Variants in XIRP2 observed in about 807,000 individuals in gnomAD.
The protein encoded by XIRP2 is xin actin-binding repeat-containing protein 2.
A neutral mutation model predicts 277.0 loss-of-function variants in XIRP2; 236 were observed. The observed-to-expected ratio is 0.85, with a 90% CI of 0.77 to 0.95. XIRP2 has a LOEUF of 0.95. Ranked by LOEUF, XIRP2 falls within the 40% of genes least tolerant of loss-of-function variation. The pLI is 0.00. For synonymous variants in XIRP2, 1,490 were observed against 1,416.5 expected, an observed-to-expected ratio of 1.05 and a Z score of -1.17; for missense variants, 4,640 against 4,157.5, an observed-to-expected ratio of 1.12 and a Z score of -3.19.
intron 4 of XIRP2, among the ~76,000 whole-genome samples, chr2:167,214,226 G>GAGGA (rs1295438859): frequency 0.029 from 1,979 of 67,316 alleles, 127 homozygotes; most frequent in South Asian, 0.037. Flanking sequence ...GGGAGGGAGG[G>GAGGA]AGGAAGGAAG....
chr2:167,135,745 C>T (rs1452684521), intron 2 of XIRP2, among the ~76,000 whole-genome samples, 164 bp from the exon 3 acceptor site: 1 of 152,146 alleles, frequency 6.6e-6, no homozygotes, highest in African/African-American at 2.4e-5. Flanking sequence ...TATATGTTTG[C>T]AGTTCTTGGC....
chr2:167,027,450 A>T (rs529916084), intron 2 of XIRP2, among the ~76,000 whole-genome samples: 1 of 152,008 alleles, frequency 6.6e-6, no homozygotes, highest in South Asian at 2.1e-4. Flanking sequence ...CATTGGTTTG[A>T]ATTTCCTCCT....
chr2:167,134,231 G>A (rs1372891162), intron 2 of XIRP2, among the ~76,000 whole-genome samples: 1 of 150,222 alleles, frequency 6.7e-6, no homozygotes, highest in Admixed American at 6.6e-5. Flanking sequence ...ATGTGTATAT[G>A]TATATTATAT....
At position 167,250,960 on chromosome 2, in the gene XIRP2, G is replaced by A. The variant is rs765610945; in HGVS notation, c.9568G>A (p.Ala3190Thr). Reference protein sequence around the residue: ...EQLVRLKDTTAKLSKGAIPCP... With the variant: ...EQLVRLKDTTTKLSKGAIPCP... ...ACTTGTCAGACTCAAAGACACCACT[G>A]CAAAGTTATCCAAAGGGGCCATCCC... is the stretch of plus-strand genomic sequence containing the variant. The change falls in exon 9 of 11, where the codon GCA becomes ACA. Residue 3190 changes from alanine to threonine, a missense_variant. Ala to Thr is a moderately conservative substitution (Grantham distance 58, BLOSUM62 0). Transcript: ENST00000409195. 3.6e-5 allele frequency: 58 copies of A among 1,613,380 alleles called. No homozygotes were observed. Among genetic ancestry groups the A allele is most frequent in the African/African-American group, 8.0e-5 (6 of 74,788 alleles).
At chr2:167,026,824 T>G (rs1478992220) in intron 2 of XIRP2, among the ~76,000 whole-genome samples, 3 of 152,138 alleles carry the variant, frequency 2.0e-5, no homozygotes, top group Non-Finnish European at 2.9e-5. Context: ...TTTAAGAATG[T>G]TGAATGTTGG....
At position 167,218,261 on chromosome 2, in the gene XIRP2, T is replaced by C; in HGVS notation, c.819T>C (p.Phe273=). The C allele has an allele frequency of 6.2e-7, 1 of 1,605,444 alleles. No individual in the cohort carries two copies. The highest frequency in any genetic ancestry group is 8.5e-7 in the Non-Finnish European group (1 of 1,176,102). Residue 273 remains phenylalanine, a synonymous_variant, in exon 5 of 11, where the codon TTT becomes TTC. Coordinates refer to ENST00000409195, the MANE Select transcript of XIRP2 (RefSeq NM_152381.6). The stretch of plus-strand genomic sequence containing the variant: ...AAATTACTTCTTCCCGTAATACCTT[T>C]GCTCAATACCAATATCAACATCAGA... ...EDEITSSRNT[F]AQYQYQHQNR...
intron 1 of XIRP2, 23 bp downstream of exon 1, chr2:166,888,580 C>T (rs916732668): frequency 2.0e-5 from 3 of 152,104 alleles, no homozygotes; most frequent in East Asian, 1.9e-4. Flanking sequence ...TAAGAAAAAC[C>T]ACTTCTTTCA....
chr2:167,135,872 AG>A, intron 2 of XIRP2, 36 bp from the exon 3 acceptor site: 1 of 1,518,426 alleles, frequency 6.6e-7, no homozygotes, highest in Non-Finnish European at 8.8e-7. Flanking sequence ...TCCTACTGAT[AG>A]CTTTTAACAT....
At chr2:167,029,466 T>A (rs1049780456) in intron 2 of XIRP2, among the ~76,000 whole-genome samples, 1 of 152,114 alleles carries the variant, frequency 6.6e-6, no homozygotes, top group Non-Finnish European at 1.5e-5. Flanking sequence ...AGATAGAGCA[T>A]GTGGTTTTTG....
intron 2 of XIRP2, among the ~76,000 whole-genome samples, chr2:166,908,148 T>G (rs570678947): frequency 6.6e-6 from 1 of 152,150 alleles, no homozygotes; most frequent in African/African-American, 2.4e-5. Context: ...GATGGCTGGG[T>G]TAAATGGTAT....
chr2:167,004,606 A>T (rs1687458519), intron 2 of XIRP2, among the ~76,000 whole-genome samples: 1 of 151,868 alleles, frequency 6.6e-6, no homozygotes. Flanking sequence ...AATCAAGTAA[A>T]AAAAGGAGGA....
At chr2:167,175,629 A>G (rs1238897042) in intron 3 of XIRP2, among the ~76,000 whole-genome samples, 1 of 152,126 alleles carries the variant, frequency 6.6e-6, no homozygotes, top group Non-Finnish European at 1.5e-5. Flanking sequence ...GAACCACTTG[A>G]GGAGGCAGTC....
intron 2 of XIRP2, among the ~76,000 whole-genome samples, chr2:167,050,841 C>T (rs558594204): frequency 6.6e-6 from 1 of 151,452 alleles, no homozygotes; most frequent in South Asian, 2.1e-4. Context: ...GCCCTTGCTG[C>T]AATGGTGGGC....
chr2:167,091,152 T>C (rs888878099), intron 2 of XIRP2, among the ~76,000 whole-genome samples: 1 of 152,154 alleles, frequency 6.6e-6, no homozygotes, highest in African/African-American at 2.4e-5. Context: ...CATTGACTTT[T>C]AGTCATTTTT....
At chr2:167,041,838 C>T (rs904763818) in intron 2 of XIRP2, among the ~76,000 whole-genome samples, 12 of 151,930 alleles carry the variant, frequency 7.9e-5, no homozygotes, top group Non-Finnish European at 1.3e-4. Context: ...TCAGGAAATT[C>T]AAAGAAACAT....
chr2:167,127,673 G>A (rs115616584), intron 2 of XIRP2, among the ~76,000 whole-genome samples: 2,503 of 152,172 alleles, frequency 0.016, 78 homozygotes, highest in African/African-American at 0.057. Flanking sequence ...ATATCTCGCC[G>A]CCTGCTGGAC....
chr2:167,214,134 G>GC lies in XIRP2; in HGVS notation c.723+3239_723+3240insC, dbSNP rs1559023889. On this transcript the variant is annotated intron_variant, in intron 4 of 10. Coordinates refer to ENST00000409195, the MANE Select transcript of XIRP2 (RefSeq NM_152381.6). The stretch of plus-strand genomic sequence containing the variant: ...GGAAGGAAGGAAGGAAGGAAGGAAG[G>GC]AAGCAAAGAGAAAGAGAAAGAAGGA... Among the ~76,000 whole-genome samples, 154 of 112,170 alleles carry GC rather than the reference G, an allele frequency of 1.4e-3. 4 individuals are homozygous for GC. Among genetic ancestry groups the GC allele is most frequent in the African/African-American group, 5.3e-3 (128 of 24,162 alleles). The allele number at this position is 112,170 out of a possible 152,430, so 73.6% of individuals were successfully genotyped here.
chr2:167,238,354 A>C (rs1694960255), intron 5 of XIRP2, among the ~76,000 whole-genome samples: 1 of 152,150 alleles, frequency 6.6e-6, no homozygotes, highest in African/African-American at 2.4e-5. Context: ...GTGTAAGTCC[A>C]TATTTTGTCT....
At chr2:167,022,738 T>C (rs1004004407) in intron 2 of XIRP2, among the ~76,000 whole-genome samples, 4 of 152,100 alleles carry the variant, frequency 2.6e-5, no homozygotes, top group Non-Finnish European at 4.4e-5. Context: ...CTGAGAATGA[T>C]GCTTTCCAAT....
Sources: gnomAD v4.1 joint callset for allele counts (sites outside exome capture counted in the v4.1 genomes callset) on GRCh38, gnomAD v4.1.1 for gene constraint, MANE v1.5 for transcripts, NCBI Gene and HGNC (gene_info 2026-07-23, HGNC 2026-07-21) for gene names.